ZNF678: variants seen among roughly 807,000 people sequenced by gnomAD.
ZNF678 encodes the protein zinc finger protein 678, also known as hypothetical protein MGC42493.
ZNF678 carries 5 observed loss-of-function variants against 3.0 expected under a neutral mutation model. That is an observed-to-expected ratio of 1.69 (90% CI 0.88 to 3.56). ZNF678 has a LOEUF of 3.56. ZNF678 is among the 30% of genes most tolerant of loss of function. The probability of loss-of-function intolerance (pLI) is 0.00; values close to 1 mark genes in which losing one functional copy is unlikely to be tolerated. For missense variants in ZNF678, 593 were observed against 605.0 expected (o/e 0.98, Z 0.21); for synonymous variants, 218 against 199.6 (o/e 1.09, Z -0.78).
In ZNF678 at chr1:227,654,713, T is replaced by A. The variant is rs1659175546; in HGVS notation, c.463T>A (p.Cys155Ser). ...RIHTGEKPYK[C>S]DECGKVFNWW... The stretch of plus-strand genomic sequence containing the variant: ...TCATACTGGAGAGAAACCCTACAAA[T>A]GTGACGAATGTGGCAAAGTTTTTAA... Residue 155 changes from cysteine to serine, a missense_variant, in exon 4 of 4, where the codon TGT becomes AGT. Coordinates refer to ENST00000343776, the MANE Select transcript of ZNF678 (RefSeq NM_001367909.1). 3.7e-6 allele frequency: 6 copies of A among 1,613,160 alleles called. No individual in the cohort carries two copies. Among genetic ancestry groups the A allele is most frequent in the Non-Finnish European group, 4.2e-6 (5 of 1,179,414 alleles).
intron 1 of ZNF678, among the ~76,000 whole-genome samples, chr1:227,588,269 T>C (rs1021227540): frequency 2.0e-5 from 3 of 152,226 alleles, no homozygotes; most frequent in African/African-American, 7.2e-5. Flanking sequence ...ACTTTGCTAT[T>C]GTAAATAGTA....
downstream of ZNF678, among the ~76,000 whole-genome samples, chr1:227,666,686 C>A (rs1173897629): frequency 6.6e-6 from 1 of 151,512 alleles, no homozygotes; most frequent in Non-Finnish European, 1.5e-5. Context: ...AAAAGCATCC[C>A]TTGCTCACTG....
intron 1 of ZNF678, among the ~76,000 whole-genome samples, chr1:227,613,320 G>A (rs1291111791): frequency 6.6e-6 from 1 of 152,124 alleles, no homozygotes; most frequent in Non-Finnish European, 1.5e-5. Context: ...CCTGGCCCCA[G>A]GACAGCAATT....
chr1:227,678,468 AG>A (rs1659719354), downstream of ZNF678, among the ~76,000 whole-genome samples: 1 of 152,206 alleles, frequency 6.6e-6, no homozygotes, highest in Non-Finnish European at 1.5e-5. Flanking sequence ...TCTAGGCAGG[AG>A]GAAGAGTTCA....
intron 1 of ZNF678, among the ~76,000 whole-genome samples, chr1:227,571,611 T>C (rs1656843056): frequency 6.6e-6 from 1 of 152,232 alleles, no homozygotes; most frequent in African/African-American, 2.4e-5. Context: ...TAATGTTACA[T>C]GATAAAGCCC....
intron 1 of ZNF678, among the ~76,000 whole-genome samples, chr1:227,589,482 C>A (rs899160029): frequency 6.6e-6 from 1 of 151,658 alleles, no homozygotes; most frequent in Non-Finnish European, 1.5e-5. Flanking sequence ...AGACAAAACT[C>A]CTCAGACACT....
chr1:227,628,594 C>A lies in ZNF678; in HGVS notation c.-163-17950C>A, dbSNP rs186561090. 3.9e-3 allele frequency among the ~76,000 whole-genome samples: 594 copies of A among 152,330 alleles called. 5 individuals carry two copies. Among genetic ancestry groups the A allele is most frequent in the African/African-American group, 0.014 (578 of 41,572 alleles). On this transcript the variant is annotated intron_variant, in intron 1 of 3. Transcript: ENST00000343776. Reference sequence around the variant, plus strand: ...GGCTGGATACGTTCCTCACTGAGGGCCCTGGTGCCTTTGGATAATTTTAGC... The same window carrying A: ...GGCTGGATACGTTCCTCACTGAGGGACCTGGTGCCTTTGGATAATTTTAGC...
chr1:227,614,799 G>A (rs1314908484), intron 1 of ZNF678, among the ~76,000 whole-genome samples: 1 of 152,154 alleles, frequency 6.6e-6, no homozygotes, highest in Admixed American at 6.5e-5. Context: ...CCTGCTGAAA[G>A]ATACCCTCAC....
At position 227,656,076 on chromosome 1, in the gene ZNF678, G is replaced by A. The variant is rs760746520; in HGVS notation, c.*248G>A. 44 of 307,222 alleles carry A rather than the reference G, an allele frequency of 1.4e-4. No homozygotes were observed. The highest frequency in any genetic ancestry group is 2.2e-4 in the East Asian group (4 of 17,922). 19.0% of individuals were successfully genotyped at this position (307,222 alleles called of 1,614,324 possible). A position where few individuals can be genotyped will look rare whatever the true frequency, so the allele number is the denominator to read the frequency against. On this transcript the variant is annotated 3_prime_UTR_variant, in exon 4 of 4. Transcript: ENST00000343776. ...TTTATTCAACTTTAGAGGATTTTAC[G>A]GGGGCAAAAAACCTCCTACAAATGT...
intron 1 of ZNF678, among the ~76,000 whole-genome samples, chr1:227,623,556 A>G (rs561497091): frequency 1.3e-5 from 2 of 152,208 alleles, no homozygotes; most frequent in African/African-American, 4.8e-5. Flanking sequence ...CCTTCCTTTC[A>G]CTCAACATTA....
chr1:227,601,388 T>G (rs565291296), intron 1 of ZNF678, among the ~76,000 whole-genome samples: 128 of 152,252 alleles, frequency 8.4e-4, no homozygotes, highest in Non-Finnish European at 1.5e-3. Flanking sequence ...AAAATTTGTT[T>G]GTGTCATCTC....
chr1:227,649,049 T>G (rs1162466334), intron 2 of ZNF678, among the ~76,000 whole-genome samples: 1 of 152,206 alleles, frequency 6.6e-6, no homozygotes, highest in Non-Finnish European at 1.5e-5. Context: ...ATTACATTAT[T>G]TTTATGACCG....
chr1:227,655,747 C>T lies in ZNF678; in HGVS notation c.1497C>T (p.Tyr499=). Residue 499 remains tyrosine, a synonymous_variant, in exon 4 of 4, where the codon TAC becomes TAT. Transcript: ENST00000343776. ...GTAAAGAATGTGGAAAAGGTTTTTA[C>T]CAATCCTCAATCCATAGTAAGTATA... ...YKCKECGKGF[Y]QSSIHSKYKR... 1.2e-6 allele frequency: 2 copies of T among 1,611,970 alleles called. No homozygotes were observed. Among genetic ancestry groups the T allele is most frequent in the Non-Finnish European group, 1.7e-6 (2 of 1,178,846 alleles).
chr1:227,615,829 T>A (rs1342359141), intron 1 of ZNF678, among the ~76,000 whole-genome samples: 2 of 152,234 alleles, frequency 1.3e-5, no homozygotes, highest in African/African-American at 2.4e-5. Context: ...GCTACTAGTT[T>A]ACTTTTGGTA....
At chr1:227,590,754 G>T (rs1571869867) in intron 1 of ZNF678, among the ~76,000 whole-genome samples, 1 of 151,770 alleles carries the variant, frequency 6.6e-6, no homozygotes, top group African/African-American at 2.4e-5. Flanking sequence ...TTATAGCCCG[G>T]TGGGGGCCGT....
chr1:227,668,893 G>C (rs1659553543), intron 5 of ZNF678, among the ~76,000 whole-genome samples: 2 of 151,556 alleles, frequency 1.3e-5, no homozygotes, highest in Admixed American at 6.6e-5. Flanking sequence ...TTATTTCCAA[G>C]TTTCCTATTC....
intron 1 of ZNF678, among the ~76,000 whole-genome samples, chr1:227,573,101 G>T: frequency 6.6e-6 from 1 of 152,164 alleles, no homozygotes; most frequent in South Asian, 2.1e-4. Context: ...AACTACCCAG[G>T]TGCGGTGACA....
chr1:227,598,858 T>C (rs1260626413), intron 1 of ZNF678: 6 of 625,834 alleles, frequency 9.6e-6, no homozygotes, highest in Non-Finnish European at 1.8e-5. Flanking sequence ...GATGAATACC[T>C]ACCAAATTTA....
Position 227,655,071 on chromosome 1 carries a change from T to C in ZNF678, c.821T>C (p.Phe274Ser), listed in dbSNP as rs778734190. The change falls in exon 4 of 4, where the codon TTT becomes TCT. Residue 274 changes from phenylalanine (F) to serine (S), a missense_variant. Coordinates refer to ENST00000343776, the MANE Select transcript of ZNF678 (RefSeq NM_001367909.1). ...PYKCEECGNV[F>S]NECSHLTRHR... ...AAGTGTGAAGAATGTGGCAACGTTTTTAATGAGTGCTCACACCTAACTAGA... is the reference window on the plus strand; with the variant it reads ...AAGTGTGAAGAATGTGGCAACGTTTCTAATGAGTGCTCACACCTAACTAGA... 10 of 1,608,002 alleles carry C rather than the reference T, an allele frequency of 6.2e-6. No homozygotes were observed. In the South Asian group the frequency reaches 1.1e-4, roughly 18 times the overall value.
Sources: gnomAD v4.1 joint callset for allele counts (sites outside exome capture counted in the v4.1 genomes callset) on GRCh38, gnomAD v4.1.1 for gene constraint, MANE v1.5 for transcripts, NCBI Gene and HGNC (gene_info 2026-07-23, HGNC 2026-07-21) for gene names.